TCF20: variants seen among roughly 807,000 people sequenced by gnomAD.
TCF20 encodes the protein SPRE-binding protein.
Under a neutral mutation model 148.6 loss-of-function variants are expected in TCF20, and 3 were observed. That is an observed-to-expected ratio of 0.02 (90% CI 0.01 to 0.05). The LOEUF is 0.05. Ranked by LOEUF, TCF20 falls within the 10% of genes least tolerant of loss-of-function variation. The pLI is 1.00. For synonymous variants in TCF20, 1,049 were observed against 909.5 expected (o/e 1.15, Z -2.76); for missense variants, 2,350 against 2,429.3 (o/e 0.97, Z 0.69).
chr22:42,217,995 T>C (rs1921979325), intron 1 of TCF20, among the ~76,000 whole-genome samples: 1 of 152,226 alleles, frequency 6.6e-6, no homozygotes, highest in African/African-American at 2.4e-5. Flanking sequence ...AATGTCAGAA[T>C]CTAAAGGAAA....
intron 1 of TCF20, among the ~76,000 whole-genome samples, chr22:42,250,534 C>G (rs1046179744): frequency 2.7e-5 from 4 of 150,752 alleles, no homozygotes; most frequent in Admixed American, 1.3e-4. Flanking sequence ...TCAACAATAT[C>G]TCTGCTCTTC....
rs1312135310 is a variant in TCF20 at position 42,290,073 on chromosome 22, C to T, written c.-37+53406G>A. On this transcript the variant is annotated intron_variant, in intron 1 of 1. Coordinates refer to the TCF20 transcript ENST00000515426. The surrounding 1 kb of genome is among the most constrained non-coding windows in gnomAD (Gnocchi z 4.2). ...CCGGCTCACTCCCGCCGCACGCATG[C>T]GCCCCCTGCACCGCCGGCTGCTGCT... Among the ~76,000 whole-genome samples, 3 of 152,242 alleles carry T rather than the reference C, an allele frequency of 2.0e-5. No individual in the cohort carries two copies. Among genetic ancestry groups the T allele is most frequent in the Non-Finnish European group, 2.9e-5 (2 of 68,042 alleles).
chr22:42,173,241 A>ATT (rs35516504), intron 3 of TCF20, among the ~76,000 whole-genome samples: 2 of 136,740 alleles, frequency 1.5e-5, no homozygotes, highest in African/African-American at 6.8e-5. Flanking sequence ...AAATACATTA[A>ATT]TTAAAAAAAA....
chr22:42,219,457 A>G (rs1355467950), intron 1 of TCF20, among the ~76,000 whole-genome samples: 1 of 150,686 alleles, frequency 6.6e-6, no homozygotes, highest in Non-Finnish European at 1.5e-5. Flanking sequence ...AAGCACTGTG[A>G]TTAGTAATAA....
intron 2 of TCF20, among the ~76,000 whole-genome samples, chr22:42,199,268 C>G (rs1468346040): frequency 6.6e-6 from 1 of 152,144 alleles, no homozygotes. Context: ...CATCTAAACC[C>G]TGTGGCCAAT....
chr22:42,223,897 A>T (rs527879833), intron 1 of TCF20, among the ~76,000 whole-genome samples: 10 of 152,182 alleles, frequency 6.6e-5, no homozygotes, highest in Non-Finnish European at 1.2e-4. Context: ...TCAGTGGCTA[A>T]AAGTTATCTT....
chr22:42,287,052 G>C (rs1439961941), upstream of TCF20, among the ~76,000 whole-genome samples: 1 of 152,044 alleles, frequency 6.6e-6, no homozygotes, highest in Non-Finnish European at 1.5e-5. Flanking sequence ...AGCTGGATCA[G>C]GATGGCTGGG....
intron 2 of TCF20, among the ~76,000 whole-genome samples, chr22:42,192,630 A>G (rs1477088596): frequency 6.6e-6 from 1 of 152,118 alleles, no homozygotes; most frequent in Non-Finnish European, 1.5e-5. Flanking sequence ...AGCTAATGCC[A>G]ATGAAACTAC....
chr22:42,290,371 C>T lies in TCF20; in HGVS notation c.-37+53108G>A, dbSNP rs1439762691. Among the ~76,000 whole-genome samples the T allele has an allele frequency of 1.3e-5, 2 of 152,218 alleles. No individual in the cohort carries two copies. The highest frequency in any genetic ancestry group is 4.8e-5 in the African/African-American group (2 of 41,456). ...ACTGGCAGCCAGGGGCTAGCTAATC[C>T]CAGCCAAAACACACGGAATGAGAAT... On this transcript the variant is annotated intron_variant, in intron 1 of 1. Coordinates refer to the TCF20 transcript ENST00000515426. This position sits in a 1 kb window ranked among gnomAD's most constrained non-coding sequence, Gnocchi z 4.2.
chr22:42,261,612 C>A (rs1389450301), intron 1 of TCF20, among the ~76,000 whole-genome samples: 1 of 152,118 alleles, frequency 6.6e-6, no homozygotes, highest in African/African-American at 2.4e-5. Context: ...CTTGCCCCAT[C>A]CCCTTTGCTG....
intron 1 of TCF20, among the ~76,000 whole-genome samples, chr22:42,229,178 A>T (rs1329909438): frequency 6.6e-6 from 1 of 152,170 alleles, no homozygotes; most frequent in Non-Finnish European, 1.5e-5. Context: ...AGCAAATGTG[A>T]CATGTTGGAC....
At position 42,296,674 on chromosome 22, in the gene TCF20, C is replaced by A. The variant is rs539835350; in HGVS notation, c.-37+46805G>T. Among the ~76,000 whole-genome samples the A allele has an allele frequency of 1.6e-4, 25 of 152,328 alleles. No homozygotes were observed. In the South Asian group the frequency reaches 4.3e-3, roughly 26 times the overall value. Reference sequence around the variant, plus strand: ...CCAGGCAGGGCTGAGACCCCCACCCCCAAACAGGGCTCCAGCCAGGCAGTG... The same window carrying A: ...CCAGGCAGGGCTGAGACCCCCACCCACAAACAGGGCTCCAGCCAGGCAGTG... On this transcript the variant is annotated intron_variant, in intron 1 of 1. Coordinates refer to the TCF20 transcript ENST00000515426.
rs134876 is a variant in TCF20 at position 42,266,082 on chromosome 22, T to TA, written c.-37+4256dup. ...TTCAGGTTCATCATAGCTTTAAAAT[T>TA]AAAAAAAAAAAAAAAGAGGGGCACA... On this transcript the variant is annotated intron_variant, in intron 1 of 5. Coordinates refer to ENST00000677622, the MANE Select transcript of TCF20 (RefSeq NM_001378418.1). 7.6e-3 allele frequency among the ~76,000 whole-genome samples: 1,072 copies of TA among 141,548 alleles called. 3 individuals carry two copies. The highest frequency in any genetic ancestry group is 0.011 in the East Asian group (52 of 4,872). 92.9% of individuals were successfully genotyped at this position (141,548 alleles called of 152,430 possible).
At chr22:42,259,083 C>T (rs1925896575) in intron 1 of TCF20, among the ~76,000 whole-genome samples, 2 of 152,210 alleles carry the variant, frequency 1.3e-5, no homozygotes, top group African/African-American at 4.8e-5. Flanking sequence ...ATCTTGTCTA[C>T]TGCCTCTGAC....
intron 3 of TCF20, among the ~76,000 whole-genome samples, chr22:42,179,000 T>G (rs1204385915): frequency 1.5e-5 from 2 of 133,608 alleles, no homozygotes; most frequent in African/African-American, 5.7e-5. Context: ...AAAACCACAA[T>G]GAAATAACAT....
At chr22:42,263,172 A>G (rs1356500518) in intron 1 of TCF20, among the ~76,000 whole-genome samples, 1 of 152,224 alleles carries the variant, frequency 6.6e-6, no homozygotes, top group African/African-American at 2.4e-5. Context: ...TGATGGAGCC[A>G]GGATGAGGTT....
chr22:42,173,915 C>A lies in TCF20; in HGVS notation c.5750-4019G>T, dbSNP rs568188674. Among the ~76,000 whole-genome samples the A allele has an allele frequency of 2.0e-5, 3 of 152,310 alleles. No homozygotes were observed. The East Asian group carries it at 5.8e-4, about 29-fold the overall frequency. ...TCTGTCTTGCTGGACACGCGGCCAC[C>A]AACTTCTGTTAAATAGAGATGCTAC... On this transcript the variant is annotated intron_variant, in intron 3 of 5. Coordinates refer to ENST00000677622, the MANE Select transcript of TCF20 (RefSeq NM_001378418.1).
intron 1 of TCF20, among the ~76,000 whole-genome samples, chr22:42,267,476 G>A (rs1307249815): frequency 6.6e-6 from 1 of 152,196 alleles, no homozygotes; most frequent in Admixed American, 6.5e-5. Flanking sequence ...CCCAAGGCGG[G>A]TGGATCATGA....
chr22:42,267,310 GT>G (rs1022186738), intron 1 of TCF20, among the ~76,000 whole-genome samples: 1 of 152,102 alleles, frequency 6.6e-6, no homozygotes, highest in Non-Finnish European at 1.5e-5. Flanking sequence ...AGTAATCGGA[GT>G]TTTTTTAAAC....
Sources: allele counts gnomAD v4.1 joint callset (sites outside exome capture counted in the v4.1 genomes callset), GRCh38; gene constraint gnomAD v4.1.1; non-coding constraint Gnocchi (gnomAD v3.1); transcripts MANE v1.5; gene names NCBI Gene and HGNC (gene_info 2026-07-23, HGNC 2026-07-21).